The following ZNF280D variants were observed in gnomAD, a reference collection of about 807,000 sequenced individuals.
The protein encoded by ZNF280D is suppressor of hairy wing homolog 4.
ZNF280D carries 39 observed loss-of-function variants against 94.7 expected under a neutral mutation model. The ratio of observed to expected loss-of-function variants is 0.41; its 90% CI spans 0.32 to 0.54. The LOEUF (loss-of-function observed/expected upper bound fraction) is 0.54, where lower values mean the gene tolerates loss of function less well. Among genes scored for constraint, ZNF280D ranks in the 20% least tolerant of loss-of-function variants. The probability of loss-of-function intolerance (pLI) is 0.22; values close to 1 mark genes in which losing one functional copy is unlikely to be tolerated. For synonymous variants in ZNF280D, 398 were observed against 377.6 expected (o/e 1.05, Z -0.63); for missense variants, 1,090 against 1,149.3 (o/e 0.95, Z 0.75).
chr15:56,690,135 C>T (rs1235507782), intron 7 of ZNF280D, among the ~76,000 whole-genome samples: 1 of 152,162 alleles, frequency 6.6e-6, no homozygotes, highest in East Asian at 1.9e-4. Context: ...GTAATCCCAG[C>T]ACTTTGGGAG....
intron 1 of ZNF280D, chr15:56,730,355 C>T (rs1475416085): frequency 1.3e-5 from 2 of 152,058 alleles, no homozygotes; most frequent in Non-Finnish European, 2.9e-5. Flanking sequence ...CCTCATCTTC[C>T]AAAACTTGCT....
Position 56,635,209 on chromosome 15 carries a change from T to C in ZNF280D, c.2301A>G (p.Thr767=), listed in dbSNP as rs746775197. ...CTTATATTTACCTTTCAGAATTTGA[T>C]GTTTCTGTTTCTCTTTCAGCCATGT... ...RPNMAERETE[T]SNSESKQDKA... The change falls in exon 21 of 22, where the codon ACA becomes ACG. Residue 767 remains threonine (T), a synonymous_variant. Transcript: ENST00000267807. 3 of 1,558,518 alleles carry C rather than the reference T, an allele frequency of 1.9e-6. No individual in the cohort carries two copies. Among genetic ancestry groups the C allele is most frequent in the Admixed American group, 1.9e-5 (1 of 51,860 alleles).
chr15:56,684,788 T>A (rs920493843), intron 9 of ZNF280D, among the ~76,000 whole-genome samples: 9 of 152,038 alleles, frequency 5.9e-5, no homozygotes, highest in Non-Finnish European at 4.4e-5. Flanking sequence ...CAAATTCATA[T>A]TGGAGATGAA....
chr15:56,724,965 T>C, intron 1 of ZNF280D: 1 of 419,078 alleles, frequency 2.4e-6, no homozygotes. Flanking sequence ...CAATCCTGTA[T>C]AGCTGAGAGT....
intron 4 of ZNF280D, 87 bp downstream of exon 4, chr15:56,704,034 C>A (rs906927281): frequency 7.0e-7 from 1 of 1,423,594 alleles, no homozygotes. Context: ...GGAACATGAA[C>A]ATCAACTACC....
At chr15:56,649,976 T>C (rs185949070) in intron 19 of ZNF280D, among the ~76,000 whole-genome samples, 163 of 152,238 alleles carry the variant, frequency 1.1e-3, no homozygotes, top group East Asian at 2.1e-3. Flanking sequence ...CCAGATTCTC[T>C]TCTGATACAG....
At chr15:56,704,052 C>T (rs2057253264) in intron 4 of ZNF280D, 69 bp downstream of exon 4, 1 of 1,552,834 alleles carries the variant, frequency 6.4e-7, no homozygotes, top group South Asian at 1.2e-5. Flanking sequence ...ACCTATTAAA[C>T]AGTTCACAAG....
At chr15:56,731,018 T>A (rs2141531092) in intron 1 of ZNF280D, among the ~76,000 whole-genome samples, 1 of 152,332 alleles carries the variant, frequency 6.6e-6, no homozygotes, top group East Asian at 1.9e-4. Context: ...CAATGAAGCA[T>A]ACTGCATGGC....
intron 1 of ZNF280D, among the ~76,000 whole-genome samples, chr15:56,726,207 C>G (rs2058623883): frequency 9.4e-6 from 1 of 106,506 alleles, no homozygotes; most frequent in Non-Finnish European, 2.2e-5. Flanking sequence ...TAAAGTACAA[C>G]AGGCTAAAAA....
intron 9 of ZNF280D, among the ~76,000 whole-genome samples, chr15:56,686,482 A>C (rs1326242223): frequency 6.6e-6 from 1 of 152,184 alleles, no homozygotes; most frequent in Non-Finnish European, 1.5e-5. Context: ...TATCATAAAC[A>C]ACAGCAACAA....
At chr15:56,639,899 C>A (rs1566927486) in intron 20 of ZNF280D, among the ~76,000 whole-genome samples, 1 of 151,886 alleles carries the variant, frequency 6.6e-6, no homozygotes, top group Non-Finnish European at 1.5e-5. Flanking sequence ...GCTTAGGGAG[C>A]AACTAGTTTA....
intron 1 of ZNF280D, among the ~76,000 whole-genome samples, chr15:56,719,080 A>C (rs1028295212): frequency 6.6e-5 from 10 of 152,120 alleles, no homozygotes; most frequent in African/African-American, 2.4e-4. Flanking sequence ...CTAACAGCAG[A>C]TCTAATAGAT....
At chr15:56,692,418 G>A (rs1406618440) in intron 7 of ZNF280D, among the ~76,000 whole-genome samples, 1 of 151,998 alleles carries the variant, frequency 6.6e-6, no homozygotes, top group Non-Finnish European at 1.5e-5. Context: ...GATACAAATT[G>A]CTAAGATACA....
chr15:56,668,751 A>C, intron 14 of ZNF280D, 72 bp downstream of exon 14: 3 of 1,343,146 alleles, frequency 2.2e-6, no homozygotes, highest in Non-Finnish European at 1.0e-6. Context: ...AATACATTCA[A>C]TATATAAAGC....
At chr15:56,642,707 G>A (rs965613485) in intron 20 of ZNF280D, among the ~76,000 whole-genome samples, 8 of 151,546 alleles carry the variant, frequency 5.3e-5, no homozygotes, top group African/African-American at 1.9e-4. Flanking sequence ...CTCACTAGTT[G>A]AACTAAATAA....
intron 4 of ZNF280D, among the ~76,000 whole-genome samples, chr15:56,703,404 G>A (rs1211702245): frequency 2.6e-5 from 4 of 152,184 alleles, no homozygotes; most frequent in East Asian, 3.8e-4. Context: ...TTGTAGCCAC[G>A]TATAGATGAC....
intron 1 of ZNF280D, among the ~76,000 whole-genome samples, chr15:56,722,160 T>C (rs2058401855): frequency 6.6e-6 from 1 of 152,172 alleles, no homozygotes; most frequent in Non-Finnish European, 1.5e-5. Flanking sequence ...GTTTACCATT[T>C]TACATGAGTG....
chr15:56,632,235 A>G (rs746226506), intron 21 of ZNF280D, 113 bp from the exon 22 acceptor site: 81 of 1,055,218 alleles, frequency 7.7e-5, no homozygotes, highest in Non-Finnish European at 1.0e-4. Flanking sequence ...TTGCCCACCA[A>G]AAAGGAAAAC....
intron 1 of ZNF280D, among the ~76,000 whole-genome samples, chr15:56,723,064 T>C (rs1205194134): frequency 8.4e-6 from 1 of 118,812 alleles, no homozygotes. Context: ...AACATCACAC[T>C]CTGGGGACTA....
Sources: allele counts gnomAD v4.1 joint callset (sites outside exome capture counted in the v4.1 genomes callset), GRCh38; gene constraint gnomAD v4.1.1; transcripts MANE v1.5; gene names NCBI Gene and HGNC (gene_info 2026-07-23, HGNC 2026-07-21).